The following SPTBN2 variants were observed in gnomAD, a reference collection of about 807,000 sequenced individuals.
SPTBN2 encodes the protein spectrin beta chain, non-erythrocytic 2.
Under a neutral mutation model 284.2 loss-of-function variants are expected in SPTBN2, and 107 were observed. That is an observed-to-expected ratio of 0.38 (90% confidence interval 0.32 to 0.44). SPTBN2 has a LOEUF of 0.44. Ranked by LOEUF, SPTBN2 falls within the 20% of genes least tolerant of loss-of-function variation. The pLI, the probability that SPTBN2 is intolerant of heterozygous loss-of-function variation, is 1.00. For synonymous variants in SPTBN2, 1,289 were observed against 1,354.8 expected, an observed-to-expected ratio of 0.95 and a Z score of 1.07; for missense variants, 2,569 against 3,287.1, an observed-to-expected ratio of 0.78 and a Z score of 5.34.
intron 1 of SPTBN2, among the ~76,000 whole-genome samples, chr11:66,737,770 G>A (rs1351599206): frequency 6.6e-6 from 1 of 152,110 alleles, no homozygotes; most frequent in Admixed American, 6.5e-5. Flanking sequence ...TATGTAAACT[G>A]GACCAACACT....
In SPTBN2 at chr11:66,710,745, C is replaced by T; in HGVS notation, c.910G>A (p.Glu304Lys). 6.2e-7 allele frequency: 1 copy of T among 1,614,104 alleles called. No homozygotes were observed. The highest frequency in any genetic ancestry group is 8.5e-7 in the Non-Finnish European group (1 of 1,180,036). ...GKVLDHAMEAERLVEKYESLA... is the reference protein window; with the variant it reads ...GKVLDHAMEAKRLVEKYESLA... ...GACTCGTATTTCTCCACCAGGCGCT[C>T]TGCCTCCATGGCATGGTCCAGCACC... The change falls in exon 10 of 38, where the codon GAG becomes AAG. Residue 304 changes from glutamate (E) to lysine (K), a missense_variant. Coordinates refer to ENST00000533211, the MANE Select transcript of SPTBN2 (RefSeq NM_006946.4). This position sits in a 1 kb window ranked among gnomAD's most constrained non-coding sequence, Gnocchi z 4.9.
At chr11:66,686,520 C>A (rs1196985730) in intron 36 of SPTBN2, 80 bp from the exon 37 acceptor site, 1 of 1,507,768 alleles carries the variant, frequency 6.6e-7, no homozygotes, top group Non-Finnish European at 9.2e-7. Flanking sequence ...GTAATCATGA[C>A]CCAACACCAG....
intron 1 of SPTBN2, among the ~76,000 whole-genome samples, chr11:66,738,490 TG>T (rs1224121243): frequency 2.2e-4 from 34 of 152,302 alleles, no homozygotes; most frequent in African/African-American, 7.9e-4. Context: ...CCAGAACAGA[TG>T]AAAATCAAAT....
chr11:66,736,706 C>T (rs1432304067), intron 1 of SPTBN2, among the ~76,000 whole-genome samples: 2 of 152,140 alleles, frequency 1.3e-5, no homozygotes, highest in Admixed American at 6.5e-5. Context: ...GGGAAGGCTT[C>T]GGGGTTCCTC....
At chr11:66,690,491 A>C in intron 27 of SPTBN2, 1 of 642,828 alleles carries the variant, frequency 1.6e-6, no homozygotes, top group Non-Finnish European at 2.6e-6. Flanking sequence ...CCTGGGCTTA[A>C]CTGGGGGAGG....
At position 66,696,627 on chromosome 11, in the gene SPTBN2, A is replaced by AGAGACCTGAAGTGTGGGCAATAATTCC; in HGVS notation, c.4015-114_4015-88dup. The AGAGACCTGAAGTGTGGGCAATAATTCC allele has an allele frequency of 1.9e-6, 3 of 1,547,794 alleles. No individual in the cohort carries two copies. The South Asian group carries it at 3.4e-5, about 17-fold the overall frequency. ...GCAGACCAGGGGCCTTACGGGCAGTAGAGACCTGAAGTGTGGGCAATAATT... is the reference window on the plus strand; with the variant it reads ...GCAGACCAGGGGCCTTACGGGCAGTAGAGACCTGAAGTGTGGGCAATAATTCCGAGACCTGAAGTGTGGGCAATAATT... On this transcript the variant is annotated intron_variant, in intron 20 of 37. Coordinates refer to ENST00000533211, the MANE Select transcript of SPTBN2 (RefSeq NM_006946.4).
Position 66,691,801 on chromosome 11 carries a change from T to TA in SPTBN2, c.5191-144dup. ...CCGGGACAGGTTTCTTCCCTGTGGT[T>TA]AAGGAGTAGGTGCAGCTGCTTCCCA... On this transcript the variant is annotated intron_variant, in intron 26 of 37. Coordinates refer to ENST00000533211, the MANE Select transcript of SPTBN2 (RefSeq NM_006946.4). The surrounding 1 kb of genome is among the most constrained non-coding windows in gnomAD (Gnocchi z 8.0). 2 of 1,244,842 alleles carry TA rather than the reference T, an allele frequency of 1.6e-6. No homozygotes were observed. Among genetic ancestry groups the TA allele is most frequent in the South Asian group, 1.3e-5 (1 of 77,796 alleles). The allele number at this position is 1,244,842 out of a possible 1,614,324, so 77.1% of individuals were successfully genotyped here.
chr11:66,690,151 G>A lies in SPTBN2; in HGVS notation c.5698C>T (p.Arg1900Trp), dbSNP rs762007511. Residue 1900 changes from arginine (R) to tryptophan (W), a missense_variant, in exon 28 of 38, where the codon CGG becomes TGG. Arg to Trp is a moderately radical substitution (Grantham distance 101, BLOSUM62 -3). Around this residue, in one of 6 missense-constraint regions of SPTBN2, gnomAD observed 1,130 missense variants for 1,317.3 expected, o/e 0.86. Coordinates refer to ENST00000533211, the MANE Select transcript of SPTBN2 (RefSeq NM_006946.4). ...AQLQGSSAAR[R>W]QLLLDTTDKF... ...TCTGTGGTGTCCAGCAGCAGCTGCCGGCGGGCGGCAGAGCTTCCCTGAAGC... is the reference window on the plus strand; with the variant it reads ...TCTGTGGTGTCCAGCAGCAGCTGCCAGCGGGCGGCAGAGCTTCCCTGAAGC... The A allele has an allele frequency of 1.2e-5, 20 of 1,614,058 alleles. No homozygotes were observed. Among genetic ancestry groups the A allele is most frequent in the East Asian group, 8.9e-5 (4 of 44,894 alleles).
In SPTBN2 at chr11:66,687,855, C is replaced by G. The variant is rs188366722; in HGVS notation, c.6501+13G>C. The G allele has an allele frequency of 6.6e-5, 107 of 1,614,116 alleles. No homozygotes were observed. The Admixed American group carries it at 1.3e-3, about 19-fold the overall frequency. On this transcript the variant is annotated intron_variant, in intron 34 of 37. Coordinates refer to ENST00000533211, the MANE Select transcript of SPTBN2 (RefSeq NM_006946.4). The surrounding 1 kb of genome is among the most constrained non-coding windows in gnomAD (Gnocchi z 5.2). ...CTCACAGTTATCAACACCACACTTG[C>G]AGGGGAACTCACCGGCCCTTCGGGG...
Position 66,710,527 on chromosome 11 carries a change from G to A in SPTBN2, c.1073+55C>T. On this transcript the variant is annotated intron_variant, in intron 10 of 37. Transcript: ENST00000533211. The surrounding 1 kb of genome is among the most constrained non-coding windows in gnomAD (Gnocchi z 4.9). ...CTCCCTGAAGGCTGTGCTAATTTAGGCTTCCTCTCGTGGGAGCACAGCTCA... is the reference window on the plus strand; with the variant it reads ...CTCCCTGAAGGCTGTGCTAATTTAGACTTCCTCTCGTGGGAGCACAGCTCA... 1 of 1,579,274 alleles carries A rather than the reference G, an allele frequency of 6.3e-7. No homozygotes were observed. The highest frequency in any genetic ancestry group is 1.8e-5 in the Admixed American group (1 of 56,018).
intron 19 of SPTBN2, 68 bp from the exon 20 acceptor site, chr11:66,698,853 G>A: frequency 6.2e-7 from 1 of 1,607,764 alleles, no homozygotes. Context: ...CAGGGCCACA[G>A]TGAGCCAGGA....
chr11:66,735,127 G>A (rs991472795), intron 1 of SPTBN2, among the ~76,000 whole-genome samples: 2 of 152,308 alleles, frequency 1.3e-5, no homozygotes, highest in South Asian at 2.1e-4. Context: ...GAGGTCAGGA[G>A]TGGGAGACCA....
rs374906998 is a variant in SPTBN2 at position 66,687,975 on chromosome 11, A to T, written c.6450+29T>A. ...CGGGGGTGGAGGGGCTACGACTCCG[A>T]TGGGGGCACAGAGGGACAGTGGGGT... On this transcript the variant is annotated intron_variant, in intron 33 of 37. Coordinates refer to ENST00000533211, the MANE Select transcript of SPTBN2 (RefSeq NM_006946.4). This position sits in a 1 kb window ranked among gnomAD's most constrained non-coding sequence, Gnocchi z 5.2. The T allele has an allele frequency of 7.4e-6, 12 of 1,614,040 alleles. No individual in the cohort carries two copies. The highest frequency in any genetic ancestry group is 1.0e-5 in the Non-Finnish European group (12 of 1,180,006).
chr11:66,721,412 A>G lies in SPTBN2; in HGVS notation c.-85T>C. 1.2e-6 allele frequency: 1 copy of G among 801,880 alleles called. No homozygotes were observed. Among genetic ancestry groups the G allele is most frequent in the Non-Finnish European group, 2.1e-6 (1 of 482,590 alleles). 49.7% of individuals were successfully genotyped at this position (801,880 alleles called of 1,614,324 possible). A position where few individuals can be genotyped will look rare whatever the true frequency, so the allele number is the denominator to read the frequency against. ...GGCTGCTCAGTGGAAATCAGCCCCC[A>G]GGGGAAGAGGGGAAGCCACCTGGGA... On this transcript the variant is annotated 5_prime_UTR_variant, in exon 2 of 38. Transcript: ENST00000533211.
chr11:66,700,770 A>G lies in SPTBN2; in HGVS notation c.3329T>C (p.Leu1110Pro). ...CTGGGCCCGCTCCACCTCTCCCCGC[A>G]GGGCTGCATGTTGGGCCAGGAGGGC... ...AEALLAQHAA[L>P]RGEVERAQSE... The change falls in exon 17 of 38, where the codon CTG becomes CCG. Residue 1110 changes from leucine (L) to proline (P), a missense_variant. Physicochemically the swap from Leu to Pro is moderately conservative, Grantham distance 98. Coordinates refer to ENST00000533211, the MANE Select transcript of SPTBN2 (RefSeq NM_006946.4). The surrounding 1 kb of genome is among the most constrained non-coding windows in gnomAD (Gnocchi z 6.6). 1.2e-6 allele frequency: 2 copies of G among 1,602,022 alleles called. No homozygotes were observed. The highest frequency in any genetic ancestry group is 1.7e-6 in the Non-Finnish European group (2 of 1,179,768).
Position 66,688,682 on chromosome 11 carries a change from G to A in SPTBN2, c.6202C>T (p.Arg2068Ter). The part of the protein sequence containing the change: ...FQKSAVAWEE[R>*]FCALEKLTAL... The stretch of plus-strand genomic sequence containing the variant: ...GTAAGCTTCTCCAGCGCACAGAATC[G>A]CTCCTCCCAGGCCACTGCTGACTTC... Residue 2068 changes from arginine (R) to a stop codon, truncating the protein, a stop_gained, in exon 31 of 38, where the codon CGA becomes TGA. Coordinates refer to ENST00000533211, the MANE Select transcript of SPTBN2 (RefSeq NM_006946.4). LOFTEE classifies it high-confidence loss of function. The A allele has an allele frequency of 6.2e-7, 1 of 1,613,922 alleles. No homozygotes were observed. Among genetic ancestry groups the A allele is most frequent in the Non-Finnish European group, 8.5e-7 (1 of 1,180,020 alleles).
At chr11:66,701,455 A>ACCC (rs1941243151) in intron 16 of SPTBN2, 129 bp downstream of exon 16, 1 of 1,555,002 alleles carries the variant, frequency 6.4e-7, no homozygotes, top group African/African-American at 1.4e-5. Context: ...TCCTTCCCCA[A>ACCC]CATATTCCAG....
intron 3 of SPTBN2, among the ~76,000 whole-genome samples, chr11:66,716,995 T>TG (rs1210248293): frequency 6.6e-6 from 1 of 152,152 alleles, no homozygotes; most frequent in African/African-American, 2.4e-5. Flanking sequence ...CCTCTGCTTC[T>TG]GGGGGTTGGG....
intron 1 of SPTBN2, among the ~76,000 whole-genome samples, chr11:66,737,603 G>A (rs1267872865): frequency 6.6e-6 from 1 of 152,204 alleles, no homozygotes; most frequent in East Asian, 1.9e-4. Flanking sequence ...GCTGCCCAAA[G>A]CTGGAATGGG....
Sources: gnomAD v4.1 joint callset for allele counts (sites outside exome capture counted in the v4.1 genomes callset) on GRCh38, gnomAD v4.1.1 for gene constraint, gnomAD v4.1.1 regional missense constraint, Gnocchi (gnomAD v3.1) non-coding constraint, MANE v1.5 for transcripts, NCBI Gene and HGNC (gene_info 2026-07-23, HGNC 2026-07-21) for gene names.